RBBP8: variants seen among roughly 807,000 people sequenced by gnomAD.
RBBP8 encodes the protein DNA endonuclease RBBP8.
Under a neutral mutation model 108.3 loss-of-function variants are expected in RBBP8, and 88 were observed. The ratio of observed to expected loss-of-function variants is 0.81; its 90% CI spans 0.68 to 0.97. The LOEUF is 0.97. Ranked by LOEUF, RBBP8 falls within the 50% of genes least tolerant of loss-of-function variation. The pLI is 0.00. For missense variants in RBBP8, 1,023 were observed against 1,049.0 expected (o/e 0.98, Z 0.34); for synonymous variants, 332 against 348.2 (o/e 0.95, Z 0.52).
intron 14 of RBBP8, among the ~76,000 whole-genome samples, chr18:23,000,329 A>G (rs964832550): frequency 2.2e-4 from 33 of 152,198 alleles, no homozygotes; most frequent in African/African-American, 8.0e-4. Flanking sequence ...ATCTGTGAAG[A>G]TGAATTTTTC....
chr18:22,989,287 A>C lies in RBBP8; in HGVS notation c.776A>C (p.Glu259Ala). The change falls in exon 9 of 19, where the codon GAA becomes GCA. Residue 259 changes from glutamate to alanine, a missense_variant. Glu to Ala is a moderately radical substitution (Grantham distance 107, BLOSUM62 -1). Coordinates refer to ENST00000327155, the MANE Select transcript of RBBP8 (RefSeq NM_002894.3). ...TTTAATTTAGCTACAGTTGTTGCTG[A>C]AACACTTGGACTTGGTGTTCAAGAA... ...SSFNLATVVA[E>A]TLGLGVQEES... The C allele has an allele frequency of 1.2e-6, 2 of 1,610,232 alleles. No homozygotes were observed. Among genetic ancestry groups the C allele is most frequent in the Non-Finnish European group, 1.7e-6 (2 of 1,176,768 alleles).
intron 18 of RBBP8, among the ~76,000 whole-genome samples, chr18:23,025,836 C>T (rs1174855675): frequency 6.6e-6 from 1 of 152,158 alleles, no homozygotes; most frequent in Non-Finnish European, 1.5e-5. Context: ...TGAACTTGAA[C>T]AAGTAATTTA....
At chr18:23,023,021 C>G (rs1363386673) in intron 18 of RBBP8, among the ~76,000 whole-genome samples, 1 of 151,858 alleles carries the variant, frequency 6.6e-6, no homozygotes, top group African/African-American at 2.4e-5. Flanking sequence ...CTCAGCCTTC[C>G]AAGTAGCTAG....
chr18:22,960,516 A>G (rs1912999865), intron 4 of RBBP8, among the ~76,000 whole-genome samples: 2 of 152,242 alleles, frequency 1.3e-5, no homozygotes, highest in Non-Finnish European at 2.9e-5. Flanking sequence ...ACTGCACTCC[A>G]GCCTGGGCGA....
At chr18:22,980,965 C>CTTTTTTTGT (rs1914881883) in intron 6 of RBBP8, among the ~76,000 whole-genome samples, 1 of 69,490 alleles carries the variant, frequency 1.4e-5, no homozygotes, top group Non-Finnish European at 2.6e-5. Flanking sequence ...CCACTTATGT[C>CTTTTTTTGT]TTTTTTTTTT....
chr18:23,016,375 T>C (rs1020457087), intron 16 of RBBP8, among the ~76,000 whole-genome samples: 6 of 152,044 alleles, frequency 3.9e-5, no homozygotes, highest in Admixed American at 1.3e-4. Context: ...TGAAACCCCA[T>C]CTCTACTAAA....
intron 2 of RBBP8, among the ~76,000 whole-genome samples, chr18:22,938,781 C>A (rs533567138): frequency 7.3e-4 from 111 of 152,278 alleles, no homozygotes; most frequent in Non-Finnish European, 1.3e-3. Flanking sequence ...TACATAAAGT[C>A]ATTTGACAAA....
At chr18:23,005,456 A>C (rs1305152126) in intron 15 of RBBP8, among the ~76,000 whole-genome samples, 1 of 152,026 alleles carries the variant, frequency 6.6e-6, no homozygotes, top group Admixed American at 6.5e-5. Context: ...CTCTGTTGCC[A>C]GGCTGGAGTG....
At chr18:22,958,768 C>T (rs866892135) in intron 4 of RBBP8, among the ~76,000 whole-genome samples, 1 of 152,166 alleles carries the variant, frequency 6.6e-6, no homozygotes, top group Admixed American at 6.5e-5. Flanking sequence ...TCTTGAACTC[C>T]TAGGCTCAGA....
intron 14 of RBBP8, 56 bp downstream of exon 14, chr18:22,997,790 G>A (rs1252225537): frequency 4.9e-6 from 6 of 1,229,488 alleles, no homozygotes; most frequent in Non-Finnish European, 7.0e-6. Context: ...GAAGTTTGTA[G>A]TTGTACCATT....
chr18:22,950,571 CAAAA>C (rs59778562), intron 4 of RBBP8, among the ~76,000 whole-genome samples: 2 of 137,524 alleles, frequency 1.5e-5, no homozygotes. Flanking sequence ...ACCGTGTCTC[CAAAA>C]AAAAAAAAAA....
At chr18:22,994,502 C>T (rs934362997) in intron 12 of RBBP8, among the ~76,000 whole-genome samples, 1 of 149,094 alleles carries the variant, frequency 6.7e-6, no homozygotes, top group Non-Finnish European at 1.5e-5. Flanking sequence ...ATAAGCCAGG[C>T]ATGGTGGCAG....
chr18:23,011,004 T>C (rs1246816695), intron 16 of RBBP8, among the ~76,000 whole-genome samples: 1 of 152,224 alleles, frequency 6.6e-6, no homozygotes, highest in Non-Finnish European at 1.5e-5. Flanking sequence ...CATAAACTCT[T>C]TGAAAGAAAA....
chr18:22,930,750 G>A (rs201887217), upstream of RBBP8, among the ~76,000 whole-genome samples: 6 of 152,098 alleles, frequency 3.9e-5, no homozygotes, highest in East Asian at 7.7e-4. Flanking sequence ...AGATAAAAGG[G>A]TGAACAAACC....
intron 11 of RBBP8, 27 bp downstream of exon 11, chr18:22,993,666 G>C: frequency 2.5e-6 from 4 of 1,614,148 alleles, no homozygotes; most frequent in Non-Finnish European, 3.4e-6. Flanking sequence ...CAAGGATTTT[G>C]ATTAAAATGA....
intron 15 of RBBP8, among the ~76,000 whole-genome samples, chr18:23,004,118 A>G (rs947665741): frequency 5.9e-5 from 9 of 151,512 alleles, no homozygotes; most frequent in Non-Finnish European, 1.2e-4. Context: ...CAGCAGTCCC[A>G]CTACTGGGTG....
chr18:22,999,877 A>G (rs6507426), intron 14 of RBBP8, among the ~76,000 whole-genome samples: 26,814 of 152,180 alleles, frequency 0.18, 3,145 homozygotes, highest in African/African-American at 0.34. Flanking sequence ...TAAATCATCA[A>G]TTTAACATTT....
chr18:22,948,767 A>G (rs1911780465), intron 3 of RBBP8, among the ~76,000 whole-genome samples: 2 of 152,188 alleles, frequency 1.3e-5, no homozygotes, highest in South Asian at 2.1e-4. Flanking sequence ...AGGTGTTTGA[A>G]TCATAGTATT....
rs759155066 is a variant in RBBP8, at chr18:22,968,872, G to A, written c.315G>A (p.Glu105=). The A allele has an allele frequency of 1.9e-6, 3 of 1,613,470 alleles. No homozygotes were observed. The highest frequency in any genetic ancestry group is 2.5e-6 in the Non-Finnish European group (3 of 1,179,606). Residue 105 remains glutamate, a synonymous_variant, in exon 5 of 19, where the codon GAG becomes GAA. Coordinates refer to ENST00000327155, the MANE Select transcript of RBBP8 (RefSeq NM_002894.3). ...AACATATGCGGAAAAAACAGCAAGA[G>A]TTTGAAAATATCCGGCAGCAGAATC... ...TEEHMRKKQQ[E]FENIRQQNLK...
Sources: gnomAD v4.1 joint callset for allele counts (sites outside exome capture counted in the v4.1 genomes callset) on GRCh38, gnomAD v4.1.1 for gene constraint, MANE v1.5 for transcripts, NCBI Gene and HGNC (gene_info 2026-07-23, HGNC 2026-07-21) for gene names.